HADH: variants seen among roughly 807,000 people sequenced by gnomAD.
HADH encodes hydroxyacyl-coenzyme A dehydrogenase, mitochondrial.
A neutral mutation model predicts 32.2 loss-of-function variants in HADH; 24 were observed. That is an observed-to-expected ratio of 0.75 (90% CI 0.54 to 1.05). The LOEUF (loss-of-function observed/expected upper bound fraction) is 1.05, where lower values mean the gene tolerates loss of function less well. Ranked by LOEUF, HADH falls within the 50% of genes least tolerant of loss-of-function variation. The pLI, the probability that HADH is intolerant of heterozygous loss-of-function variation, is 0.00. For missense variants in HADH, 350 were observed against 397.1 expected, an observed-to-expected ratio of 0.88 and a Z score of 1.01; for synonymous variants, 139 against 152.5, an observed-to-expected ratio of 0.91 and a Z score of 0.65.
intron 3 of HADH, among the ~76,000 whole-genome samples, chr4:108,018,494 G>A (rs1167065647): frequency 1.3e-5 from 2 of 152,124 alleles, no homozygotes; most frequent in Non-Finnish European, 2.9e-5. Context: ...TGGAGAAGGT[G>A]GATGTGCTCA....
chr4:108,007,818 T>G (rs1243529897), intron 1 of HADH, among the ~76,000 whole-genome samples: 3 of 152,208 alleles, frequency 2.0e-5, no homozygotes, highest in Admixed American at 6.5e-5. Context: ...TTTTCATGCA[T>G]TGATTGCTCA....
chr4:108,027,784 A>T, intron 6 of HADH, 24 bp downstream of exon 6: 1 of 1,422,930 alleles, frequency 7.0e-7, no homozygotes, highest in Non-Finnish European at 9.9e-7. Flanking sequence ...CCAGGCCAGG[A>T]GCAGCAGACC....
intron 6 of HADH, chr4:108,032,924 G>C: frequency 2.1e-6 from 1 of 465,940 alleles, no homozygotes; most frequent in South Asian, 2.1e-5. Flanking sequence ...GGAGGTTGCA[G>C]CGAGCCAAGA....
intron 5 of HADH, chr4:108,026,882 G>A (rs938819452): frequency 6.6e-6 from 1 of 152,280 alleles, no homozygotes; most frequent in African/African-American, 2.4e-5. Context: ...GTCCCCGGAA[G>A]AGATCAGTAG....
Position 108,014,568 on chromosome 4 carries a change from G to C in HADH, c.399G>C (p.Arg133Ser). Reference protein sequence around the residue: ...NLKVKNELFKRLDKFAAEHTI... With the variant: ...NLKVKNELFKSLDKFAAEHTI... ...AGGTGAAAAACGAGCTCTTCAAAAG[G>C]CTGGACAAGTTTGCTGCTGAGTATG... Residue 133 changes from arginine to serine, a missense_variant, in exon 3 of 8, where the codon AGG becomes AGC. Physicochemically the swap from Arg to Ser is moderately radical, Grantham distance 110 (BLOSUM62 -1). Transcript: ENST00000309522. 1 of 1,614,038 alleles carries C rather than the reference G, an allele frequency of 6.2e-7. No individual in the cohort carries two copies. The highest frequency in any genetic ancestry group is 8.5e-7 in the Non-Finnish European group (1 of 1,179,932).
At position 108,033,194 on chromosome 4, in the gene HADH, A is replaced by T; in HGVS notation, c.728A>T (p.Asp243Val). 6.3e-7 allele frequency: 1 copy of T among 1,599,064 alleles called. No individual in the cohort carries two copies. Among genetic ancestry groups the T allele is most frequent in the Non-Finnish European group, 8.6e-7 (1 of 1,166,298 alleles). Residue 243 changes from aspartate to valine, a missense_variant, in exon 7 of 8, where the codon GAC becomes GTC. By Grantham distance (152) the Asp-to-Val change is radical. Transcript: ENST00000309522. ...TCCTTAGGTGACGCATCCAAAGAAG[A>T]CATTGACACTGCTATGAAATTAGGA... ...LYERGDASKE[D>V]IDTAMKLGAG... is the part of the protein sequence containing the mutation.
rs1734717613 is a variant in HADH at position 107,989,910 on chromosome 4, G to T, written c.-23G>T. 1 of 1,608,492 alleles carries T rather than the reference G, an allele frequency of 6.2e-7. No homozygotes were observed. The highest frequency in any genetic ancestry group is 8.5e-7 in the Non-Finnish European group (1 of 1,178,388). On this transcript the variant is annotated 5_prime_UTR_variant, in exon 1 of 8. Transcript: ENST00000309522. Reference sequence around the variant, plus strand: ...GCGTCTTCCCTGCCCGGGTCTCCTCGCTGTCGCCGCCGCTGCCACACCATG... The same window carrying T: ...GCGTCTTCCCTGCCCGGGTCTCCTCTCTGTCGCCGCCGCTGCCACACCATG...
intron 2 of HADH, among the ~76,000 whole-genome samples, chr4:108,011,080 C>T (rs1735476674): frequency 6.6e-6 from 1 of 152,080 alleles, no homozygotes; most frequent in Non-Finnish European, 1.5e-5. Flanking sequence ...ATCTCTTGAC[C>T]TTGTTATCCA....
At chr4:108,025,972 T>C (rs396386) in intron 5 of HADH, 1 of 152,160 alleles carries the variant, frequency 6.6e-6, no homozygotes, top group African/African-American at 2.4e-5. Context: ...ATTATTACAG[T>C]GGGGGAAAAA....
intron 6 of HADH, chr4:108,032,556 ATACTT>A (rs1736307905): frequency 2.0e-6 from 1 of 496,500 alleles, no homozygotes. Flanking sequence ...GCATTAAATT[ATACTT>A]TAATAAATGA....
intron 1 of HADH, among the ~76,000 whole-genome samples, chr4:107,997,815 A>G (rs1352085324): frequency 6.6e-6 from 1 of 152,176 alleles, no homozygotes; most frequent in African/African-American, 2.4e-5. Context: ...ACAGATGTCT[A>G]TGAAAGGAGA....
At chr4:108,017,145 G>A (rs1269470149) in intron 3 of HADH, among the ~76,000 whole-genome samples, 1 of 152,152 alleles carries the variant, frequency 6.6e-6, no homozygotes, top group East Asian at 1.9e-4. Flanking sequence ...GTACTTTACT[G>A]ACAAATTTTA....
chr4:108,004,237 G>A (rs915875913), intron 1 of HADH, among the ~76,000 whole-genome samples: 1 of 152,252 alleles, frequency 6.6e-6, no homozygotes, highest in African/African-American at 2.4e-5. Context: ...CAAGGCAGGT[G>A]TTGAGTCAAT....
chr4:107,996,218 C>T (rs1734954540), intron 1 of HADH, among the ~76,000 whole-genome samples: 1 of 152,090 alleles, frequency 6.6e-6, no homozygotes, highest in South Asian at 2.1e-4. Flanking sequence ...GTCCTTTCAG[C>T]AAAAACTAAA....
intron 1 of HADH, among the ~76,000 whole-genome samples, chr4:108,003,961 A>C (rs920933533): frequency 1.3e-5 from 2 of 152,196 alleles, no homozygotes; most frequent in Non-Finnish European, 2.9e-5. Flanking sequence ...GCTGAGGTTA[A>C]GGAATGTTTT....
At chr4:108,003,152 G>T (rs1735172404) in intron 1 of HADH, among the ~76,000 whole-genome samples, 1 of 142,064 alleles carries the variant, frequency 7.0e-6, no homozygotes, top group Non-Finnish European at 1.5e-5. Flanking sequence ...ACCTGAGACT[G>T]GGTAATTTAT....
intron 4 of HADH, among the ~76,000 whole-genome samples, chr4:108,020,471 A>T (rs148757212): frequency 1.3e-5 from 2 of 152,126 alleles, no homozygotes; most frequent in Admixed American, 6.5e-5. Context: ...TCCTATATCG[A>T]ATAAAAAAAC....
At chr4:107,991,867 T>A (rs1734823410) in intron 1 of HADH, among the ~76,000 whole-genome samples, 1 of 152,154 alleles carries the variant, frequency 6.6e-6, no homozygotes, top group Non-Finnish European at 1.5e-5. Flanking sequence ...TCCAGGAACA[T>A]TATGGGAAAT....
At chr4:108,034,209 A>G in intron 7 of HADH, 30 bp from the exon 8 acceptor site, 1 of 1,370,680 alleles carries the variant, frequency 7.3e-7, no homozygotes, top group Admixed American at 1.7e-5. Context: ...CCAGCACTTC[A>G]TCCTGAGTTC....
Sources: gnomAD v4.1 joint callset for allele counts (sites outside exome capture counted in the v4.1 genomes callset) on GRCh38, gnomAD v4.1.1 for gene constraint, MANE v1.5 for transcripts, NCBI Gene and HGNC (gene_info 2026-07-23, HGNC 2026-07-21) for gene names.